Variants in DCAF8L2 observed in about 807,000 individuals in gnomAD.
DCAF8L2 encodes the protein DDB1- and CUL4-associated factor 8-like protein 2.
For missense variants in DCAF8L2, 430 were observed against 490.7 expected (o/e 0.88, Z 1.17); for synonymous variants, 200 against 190.9 (o/e 1.05, Z -0.39).
the DCAF8L2 span, among the ~76,000 whole-genome samples, chrX:27,571,692 C>T: frequency 1.8e-5 from 2 of 111,495 alleles, no homozygotes; most frequent in African/African-American, 3.3e-5. Context: ...TGGCTTATTC[C>T]AGGCCTAATC....
the DCAF8L2 span, among the ~76,000 whole-genome samples, chrX:27,534,410 T>C: frequency 9.0e-6 from 1 of 111,709 alleles, no homozygotes; most frequent in Non-Finnish European, 1.9e-5. Context: ...CATGCATACA[T>C]ACTTACAAAT....
At chrX:27,743,115 T>C (rs1311099065) in intron 4 of DCAF8L2, among the ~76,000 whole-genome samples, 2 of 111,410 alleles carry the variant, frequency 1.8e-5, no homozygotes, top group Non-Finnish European at 3.8e-5. Context: ...AGGGTCTTAC[T>C]CCGTGACCCA....
At chrX:27,470,079 C>G in the DCAF8L2 span, among the ~76,000 whole-genome samples, 6 of 111,939 alleles carry the variant, frequency 5.4e-5, no homozygotes, top group Admixed American at 9.5e-5. Context: ...GATCTGCTAT[C>G]ACTTTCTTAA....
the DCAF8L2 span, among the ~76,000 whole-genome samples, chrX:27,512,891 A>G: frequency 9.2e-6 from 1 of 108,887 alleles, no homozygotes; most frequent in African/African-American, 3.3e-5. Flanking sequence ...TGGCATAAAA[A>G]CAGACACGCA....
At chrX:27,514,008 A>G in the DCAF8L2 span, among the ~76,000 whole-genome samples, 1 of 112,270 alleles carries the variant, frequency 8.9e-6, no homozygotes, top group African/African-American at 3.2e-5. Context: ...TACTGGGTAT[A>G]TATCGAAAGG....
At position 27,661,668 on chromosome X, in the gene DCAF8L2, C is replaced by A. The variant is rs191586141; in HGVS notation, c.-219-16168C>A. ...AGATACAGTAAATCATAATGAGAAT[C>A]ATGAAAAATATTTATAAGTGCTTAG... is the stretch of plus-strand genomic sequence containing the variant. On this transcript the variant is annotated intron_variant, in intron 2 of 4. Transcript: ENST00000451261. 5.1e-3 allele frequency among the ~76,000 whole-genome samples: 569 copies of A among 111,677 alleles called. 3 individuals are homozygous for A. The highest frequency in any genetic ancestry group is 8.5e-3 in the Non-Finnish European group (454 of 53,127).
the DCAF8L2 span, among the ~76,000 whole-genome samples, chrX:27,512,849 A>G: frequency 9.3e-6 from 1 of 107,147 alleles, no homozygotes; most frequent in Middle Eastern, 4.7e-3. Context: ...TTAAAAATAT[A>G]CTAAGCTACA....
the DCAF8L2 span, among the ~76,000 whole-genome samples, chrX:27,546,899 G>T: frequency 3.6e-5 from 4 of 112,091 alleles, no homozygotes; most frequent in African/African-American, 1.3e-4. Context: ...ACATTCCCTG[G>T]AGACATTTTC....
intron 1 of DCAF8L2, among the ~76,000 whole-genome samples, chrX:27,609,024 A>AT (rs1398978122): frequency 9.0e-6 from 1 of 111,355 alleles, no homozygotes; most frequent in Non-Finnish European, 1.9e-5. Flanking sequence ...TTATGCCTCT[A>AT]TTTGGTTGTT....
At chrX:27,481,394 T>A in the DCAF8L2 span, among the ~76,000 whole-genome samples, 2 of 110,570 alleles carry the variant, frequency 1.8e-5, no homozygotes, top group African/African-American at 3.3e-5. Flanking sequence ...ATTAATTAAT[T>A]AATTAATTTA....
chrX:27,571,363 C>A, the DCAF8L2 span, among the ~76,000 whole-genome samples: 1 of 111,858 alleles, frequency 8.9e-6, no homozygotes. Context: ...CTCTTCAGAA[C>A]TAGAACAATG....
chrX:27,549,608 GA>G, the DCAF8L2 span, among the ~76,000 whole-genome samples: 10,658 of 111,152 alleles, frequency 0.096, 406 homozygotes, highest in Non-Finnish European at 0.12. Flanking sequence ...ATAAGAGAAT[GA>G]ATGAGAAAAC....
At chrX:27,658,365 A>G (rs1260059183) in intron 2 of DCAF8L2, among the ~76,000 whole-genome samples, 2 of 112,128 alleles carry the variant, frequency 1.8e-5, no homozygotes, top group Non-Finnish European at 3.8e-5. Context: ...TAAGCCATAC[A>G]CAGAGAACAG....
At chrX:27,543,674 G>A in the DCAF8L2 span, among the ~76,000 whole-genome samples, 1 of 110,999 alleles carries the variant, frequency 9.0e-6, no homozygotes, top group African/African-American at 3.3e-5. Flanking sequence ...AAAGGCAGAG[G>A]GAAATTTAGA....
At chrX:27,684,434 T>G (rs1263440187) in intron 3 of DCAF8L2, among the ~76,000 whole-genome samples, 1 of 112,156 alleles carries the variant, frequency 8.9e-6, no homozygotes, top group Non-Finnish European at 1.9e-5. Context: ...AGGCTTAAAT[T>G]GCAGAAACTG....
At chrX:27,561,928 T>G in the DCAF8L2 span, among the ~76,000 whole-genome samples, 1 of 111,795 alleles carries the variant, frequency 8.9e-6, no homozygotes, top group African/African-American at 3.2e-5. Flanking sequence ...CTTAGGTATA[T>G]AACTAGGAGT....
chrX:27,635,237 C>A (rs1356525605), intron 2 of DCAF8L2, among the ~76,000 whole-genome samples: 3 of 111,352 alleles, frequency 2.7e-5, no homozygotes, highest in Non-Finnish European at 3.8e-5. Flanking sequence ...TTTACTTAGT[C>A]AACTGCTGGA....
Position 27,631,426 on chromosome X carries a change from G to A in DCAF8L2, c.-341-453G>A, listed in dbSNP as rs1928286516. The stretch of plus-strand genomic sequence containing the variant: ...TTTAGGAAAGAGAAAGAAATAAAAT[G>A]AATTAAAATGTTATTATTCTCTATC... On this transcript the variant is annotated intron_variant, in intron 1 of 4. Coordinates refer to ENST00000451261, the MANE Select transcript of DCAF8L2 (RefSeq NM_001353450.2). Among the ~76,000 whole-genome samples, 3 of 112,078 alleles carry A rather than the reference G, an allele frequency of 2.7e-5. No individual in the cohort carries two copies. In the Admixed American group the frequency reaches 2.8e-4, roughly 11 times the overall value.
At chrX:27,672,463 T>C (rs1341197969) in intron 2 of DCAF8L2, among the ~76,000 whole-genome samples, 1 of 112,207 alleles carries the variant, frequency 8.9e-6, no homozygotes, top group Non-Finnish European at 1.9e-5. Context: ...CCCAACATAA[T>C]GTTGGAACAA....
Sources: gnomAD v4.1 joint callset for allele counts (sites outside exome capture counted in the v4.1 genomes callset) on GRCh38, gnomAD v4.1.1 for gene constraint, MANE v1.5 for transcripts, NCBI Gene and HGNC (gene_info 2026-07-23, HGNC 2026-07-21) for gene names.